Variants in MSRA observed in about 807,000 individuals in gnomAD.
The protein encoded by MSRA is methionine sulfoxide reductase A.
MSRA carries 54 observed loss-of-function variants against 31.3 expected under a neutral mutation model. That is an observed-to-expected ratio of 1.73 (90% confidence interval 1.39 to 2.17). The LOEUF (loss-of-function observed/expected upper bound fraction) is 2.17. MSRA is among the 30% of genes most tolerant of loss of function. The pLI is 0.00. For synonymous variants in MSRA, 169 were observed against 116.5 expected (o/e 1.45, Z -2.90); for missense variants, 507 against 300.9 (o/e 1.69, Z -5.07).
chr8:10,227,161 G>A (rs771304447), intron 2 of MSRA, among the ~76,000 whole-genome samples: 2 of 152,170 alleles, frequency 1.3e-5, no homozygotes, highest in Non-Finnish European at 2.9e-5. Context: ...TGAATGAGGA[G>A]CAGATGAAGG....
intron 3 of MSRA, among the ~76,000 whole-genome samples, chr8:10,247,140 A>T (rs572987063): frequency 6.6e-6 from 1 of 152,226 alleles, no homozygotes; most frequent in Non-Finnish European, 1.5e-5. Flanking sequence ...GATAATTGCC[A>T]TGTGTTAAAC....
chr8:10,186,169 G>A (rs976241508), intron 1 of MSRA, among the ~76,000 whole-genome samples: 1 of 152,150 alleles, frequency 6.6e-6, no homozygotes, highest in Admixed American at 6.5e-5. Flanking sequence ...TTCCTATCAT[G>A]TATTCACCTC....
chr8:10,284,003 C>G (rs1445692247), intron 3 of MSRA, among the ~76,000 whole-genome samples: 1 of 151,604 alleles, frequency 6.6e-6, no homozygotes, highest in Non-Finnish European at 1.5e-5. Flanking sequence ...TTCTTTTCCT[C>G]TTGGTAGATA....
chr8:10,338,560 C>G (rs1009646188), intron 5 of MSRA, among the ~76,000 whole-genome samples: 2 of 152,150 alleles, frequency 1.3e-5, no homozygotes, highest in African/African-American at 4.8e-5. Flanking sequence ...TTTGATTATT[C>G]TACATTGTAT....
At chr8:10,076,156 T>A (rs544094370) in intron 1 of MSRA, among the ~76,000 whole-genome samples, 38 of 152,214 alleles carry the variant, frequency 2.5e-4, no homozygotes, top group Non-Finnish European at 4.7e-4. Flanking sequence ...AGTCGCTATT[T>A]CTGGGAATAG....
At chr8:10,413,297 C>G (rs757159207) in intron 5 of MSRA, among the ~76,000 whole-genome samples, 4 of 152,172 alleles carry the variant, frequency 2.6e-5, no homozygotes, top group Non-Finnish European at 5.9e-5. Context: ...AATTCGGTGC[C>G]TAACCATTCG....
At chr8:10,241,545 A>C (rs1023028377) in intron 2 of MSRA, among the ~76,000 whole-genome samples, 1 of 152,184 alleles carries the variant, frequency 6.6e-6, no homozygotes, top group Non-Finnish European at 1.5e-5. Flanking sequence ...GTCCCATGTG[A>C]ATTGTACCAC....
chr8:10,308,229 A>C (rs540020318), intron 4 of MSRA, among the ~76,000 whole-genome samples: 34 of 152,334 alleles, frequency 2.2e-4, no homozygotes, highest in African/African-American at 5.1e-4. Context: ...TGTCTTGACT[A>C]ACACAGCCTT....
At chr8:10,131,719 A>T (rs1801911787) in intron 1 of MSRA, among the ~76,000 whole-genome samples, 1 of 152,076 alleles carries the variant, frequency 6.6e-6, no homozygotes, top group African/African-American at 2.4e-5. Context: ...CTCATTCCCT[A>T]TGGCCAGTGT....
intron 1 of MSRA, among the ~76,000 whole-genome samples, chr8:10,076,842 C>G (rs1418489823): frequency 7.2e-5 from 11 of 151,800 alleles, no homozygotes; most frequent in Admixed American, 7.2e-4. Flanking sequence ...GTTGTAGCAT[C>G]TCAACATTTA....
At chr8:10,127,535 T>C (rs1181012226) in intron 1 of MSRA, among the ~76,000 whole-genome samples, 1 of 152,222 alleles carries the variant, frequency 6.6e-6, no homozygotes, top group African/African-American at 2.4e-5. Context: ...ACTGGTTAGC[T>C]TTGCCTCACT....
chr8:10,327,752 TG>T (rs1341601006), intron 5 of MSRA, among the ~76,000 whole-genome samples: 18 of 152,100 alleles, frequency 1.2e-4, no homozygotes, highest in Non-Finnish European at 2.2e-4. Context: ...GCTAACAAGG[TG>T]AAACCCCGTC....
chr8:10,282,807 T>G (rs1799693426), intron 3 of MSRA, among the ~76,000 whole-genome samples: 1 of 152,176 alleles, frequency 6.6e-6, no homozygotes, highest in Admixed American at 6.5e-5. Flanking sequence ...TCTGTATTCT[T>G]GATCCTGGAA....
chr8:10,130,224 T>A (rs1394454780), intron 1 of MSRA, among the ~76,000 whole-genome samples: 1 of 152,214 alleles, frequency 6.6e-6, no homozygotes, highest in Non-Finnish European at 1.5e-5. Flanking sequence ...AAACACTGTA[T>A]ACTGACAGTG....
intron 2 of MSRA, among the ~76,000 whole-genome samples, chr8:10,215,456 A>G (rs1023357944): frequency 3.3e-5 from 5 of 152,198 alleles, no homozygotes; most frequent in African/African-American, 1.2e-4. Context: ...TCCCTGGCAG[A>G]CCACCTGCTC....
chr8:10,148,770 C>A (rs904476868), intron 1 of MSRA, among the ~76,000 whole-genome samples: 1 of 147,146 alleles, frequency 6.8e-6, no homozygotes, highest in Non-Finnish European at 1.5e-5. Flanking sequence ...TTACTGCACT[C>A]TATCCTGGGT....
At chr8:10,219,345 G>C (rs920406099) in intron 2 of MSRA, among the ~76,000 whole-genome samples, 1 of 152,132 alleles carries the variant, frequency 6.6e-6, no homozygotes, top group African/African-American at 2.4e-5. Flanking sequence ...AAAACTGTTC[G>C]TGGTTATCAC....
At chr8:10,215,915 G>C (rs1466489568) in intron 2 of MSRA, among the ~76,000 whole-genome samples, 1 of 152,112 alleles carries the variant, frequency 6.6e-6, no homozygotes, top group Non-Finnish European at 1.5e-5. Flanking sequence ...AATTTCTACA[G>C]AGAAAATACA....
intron 2 of MSRA, among the ~76,000 whole-genome samples, chr8:10,224,678 G>C (rs1362337151): frequency 6.6e-6 from 1 of 152,148 alleles, no homozygotes; most frequent in African/African-American, 2.4e-5. Context: ...ACATTTCTAA[G>C]AAATCTGATT....
Sources: allele counts gnomAD v4.1 joint callset (sites outside exome capture counted in the v4.1 genomes callset), GRCh38; gene constraint gnomAD v4.1.1; transcripts MANE v1.5; gene names NCBI Gene and HGNC (gene_info 2026-07-23, HGNC 2026-07-21).